Variants in CCSER1 observed in about 807,000 individuals in gnomAD.
The protein encoded by CCSER1 is coiled-coil serine rich protein 1, also known as serine-rich coiled-coil domain-containing protein 1.
In CCSER1, 41 loss-of-function variants were observed where a neutral mutation model predicts 82.0. That is an observed-to-expected ratio of 0.50 (90% CI 0.39 to 0.65). The LOEUF (loss-of-function observed/expected upper bound fraction) is 0.65, where lower values mean the gene tolerates loss of function less well. Among genes scored for constraint, CCSER1 ranks in the 30% least tolerant of loss-of-function variants. The pLI is 0.00. For missense variants in CCSER1, 1,119 were observed against 1,064.2 expected (o/e 1.05, Z -0.72); for synonymous variants, 414 against 383.9 (o/e 1.08, Z -0.92).
intron 5 of CCSER1, among the ~76,000 whole-genome samples, chr4:90,485,050 T>C (rs1670680527): frequency 6.6e-6 from 1 of 152,204 alleles, no homozygotes; most frequent in East Asian, 1.9e-4. Context: ...GCCACTTTGT[T>C]TACCTGCTCT....
intron 5 of CCSER1, among the ~76,000 whole-genome samples, chr4:90,470,198 A>G (rs981239868): frequency 6.6e-6 from 1 of 152,110 alleles, no homozygotes; most frequent in African/African-American, 2.4e-5. Context: ...TCAGTTATCA[A>G]TTACTTGATT....
At chr4:90,223,247 CA>C (rs1742498617) in intron 1 of CCSER1, among the ~76,000 whole-genome samples, 1 of 152,092 alleles carries the variant, frequency 6.6e-6, no homozygotes, top group African/African-American at 2.4e-5. Flanking sequence ...GTGTTTTAAA[CA>C]ATTGATATGT....
chr4:90,861,742 AATACTATGTCTC>A (rs1295416523), intron 8 of CCSER1, among the ~76,000 whole-genome samples: 1 of 151,624 alleles, frequency 6.6e-6, no homozygotes, highest in Non-Finnish European at 1.5e-5. Flanking sequence ...GTACTTTGTG[AATACTATGTCTC>A]ATTTGACCCT....
intron 10 of CCSER1, among the ~76,000 whole-genome samples, chr4:91,367,179 T>C (rs1483283133): frequency 6.8e-6 from 1 of 148,074 alleles, no homozygotes; most frequent in African/African-American, 2.5e-5. Context: ...TCGCTTGTTA[T>C]GGTGGATTGA....
intron 10 of CCSER1, among the ~76,000 whole-genome samples, chr4:91,372,541 T>C (rs1172635432): frequency 6.6e-6 from 1 of 151,684 alleles, no homozygotes; most frequent in Non-Finnish European, 1.5e-5. Context: ...CTTTCTTTTT[T>C]TGAAAAAAAA....
At chr4:91,249,281 A>G (rs149718800) in intron 10 of CCSER1, among the ~76,000 whole-genome samples, 1 of 152,290 alleles carries the variant, frequency 6.6e-6, no homozygotes, top group African/African-American at 2.4e-5. Flanking sequence ...TATTATTTTA[A>G]CCAAGGGGGA....
intron 10 of CCSER1, among the ~76,000 whole-genome samples, chr4:91,413,508 A>C (rs930594878): frequency 7.2e-5 from 11 of 152,012 alleles, no homozygotes; most frequent in East Asian, 1.9e-4. Context: ...ACAACAACAA[A>C]AAAAAACAAA....
intron 10 of CCSER1, among the ~76,000 whole-genome samples, chr4:91,277,241 T>C (rs1260319200): frequency 2.6e-5 from 4 of 151,984 alleles, no homozygotes; most frequent in African/African-American, 9.7e-5. Context: ...TCTTAGAAAG[T>C]TTCGTACATT....
At chr4:91,132,292 A>G (rs531416314) in intron 10 of CCSER1, among the ~76,000 whole-genome samples, 106 of 152,312 alleles carry the variant, frequency 7.0e-4, no homozygotes, top group Non-Finnish European at 1.3e-3. Flanking sequence ...TAGGAAAGCA[A>G]TAAAAACCCA....
intron 10 of CCSER1, among the ~76,000 whole-genome samples, chr4:91,418,060 A>G (rs1208676997): frequency 6.6e-6 from 1 of 152,042 alleles, no homozygotes. Flanking sequence ...AACTTACCAG[A>G]ATGTATGGGA....
At chr4:91,572,245 A>G (rs1763220966) in intron 10 of CCSER1, among the ~76,000 whole-genome samples, 1 of 152,122 alleles carries the variant, frequency 6.6e-6, no homozygotes, top group South Asian at 2.1e-4. Flanking sequence ...ACCTGGTGGT[A>G]TCACCAGAGA....
chr4:91,285,152 T>A (rs1369558858), intron 10 of CCSER1, among the ~76,000 whole-genome samples: 11 of 151,934 alleles, frequency 7.2e-5, no homozygotes. Context: ...ATCGTCTACA[T>A]TTCTAATGTA....
chr4:90,986,233 G>C (rs1022441803), intron 9 of CCSER1, among the ~76,000 whole-genome samples: 3 of 151,598 alleles, frequency 2.0e-5, no homozygotes, highest in African/African-American at 7.3e-5. Context: ...CCTGCTTTCT[G>C]TCTTTTTCTC....
intron 3 of CCSER1, among the ~76,000 whole-genome samples, chr4:90,349,139 T>C (rs1427754831): frequency 3.3e-5 from 5 of 152,128 alleles, no homozygotes; most frequent in African/African-American, 1.2e-4. Context: ...ATTAGGGAAT[T>C]TGGGAAGGTG....
chr4:90,387,379 A>G (rs1241206196), intron 3 of CCSER1, among the ~76,000 whole-genome samples: 1 of 152,210 alleles, frequency 6.6e-6, no homozygotes, highest in African/African-American at 2.4e-5. Flanking sequence ...AGCCTATGGA[A>G]ACATAGTGTA....
At chr4:91,321,885 G>A (rs920419011) in intron 10 of CCSER1, among the ~76,000 whole-genome samples, 1 of 151,868 alleles carries the variant, frequency 6.6e-6, no homozygotes, top group Non-Finnish European at 1.5e-5. Flanking sequence ...CATAGTAAAA[G>A]TTTTCCTTTT....
chr4:91,262,000 C>T (rs17018283), intron 10 of CCSER1, among the ~76,000 whole-genome samples: 30,625 of 151,752 alleles, frequency 0.2, 3,430 homozygotes, highest in East Asian at 0.34. Flanking sequence ...AATTTTTAAC[C>T]TCTTTCATAA....
In CCSER1 at chr4:90,308,478, C is replaced by T. The variant is rs753412118; in HGVS notation, c.194C>T (p.Thr65Ile). 1.9e-5 allele frequency: 30 copies of T among 1,613,778 alleles called. No individual in the cohort carries two copies. Among genetic ancestry groups the T allele is most frequent in the Non-Finnish European group, 2.5e-5 (30 of 1,179,836 alleles). The change falls in exon 2 of 11, where the codon ACT becomes ATT. Residue 65 changes from threonine (T) to isoleucine (I), a missense_variant. Thr to Ile is a moderately conservative substitution (Grantham distance 89). Transcript: ENST00000509176. ...STGKRRSIFRTPSISFHHKKG... is the reference protein window; with the variant it reads ...STGKRRSIFRIPSISFHHKKG... Reference sequence around the variant, plus strand: ...GGTAAACGGAGGAGCATATTCCGTACTCCTTCCATTAGCTTCCACCATAAG... The same window carrying T: ...GGTAAACGGAGGAGCATATTCCGTATTCCTTCCATTAGCTTCCACCATAAG...
At chr4:90,229,451 A>T (rs1157368018) in intron 1 of CCSER1, among the ~76,000 whole-genome samples, 1 of 152,202 alleles carries the variant, frequency 6.6e-6, no homozygotes, top group African/African-American at 2.4e-5. Flanking sequence ...GGCCTGCCCT[A>T]AAAGTGCTCC....
Sources: gnomAD v4.1 joint callset for allele counts (sites outside exome capture counted in the v4.1 genomes callset) on GRCh38, gnomAD v4.1.1 for gene constraint, MANE v1.5 for transcripts, NCBI Gene and HGNC (gene_info 2026-07-23, HGNC 2026-07-21) for gene names.